The following PAX5 variants were observed in gnomAD, a reference collection of about 807,000 sequenced individuals.
PAX5 encodes the protein paired box protein Pax-5.
PAX5 carries 9 observed loss-of-function variants against 43.7 expected under a neutral mutation model. That is an observed-to-expected ratio of 0.21 (90% CI 0.12 to 0.36). PAX5 has a LOEUF of 0.36. Among genes scored for constraint, PAX5 ranks in the 10% least tolerant of loss-of-function variants. The pLI, the probability that PAX5 is intolerant of heterozygous loss-of-function variation, is 1.00. For missense variants in PAX5, 383 were observed against 532.7 expected (o/e 0.72, Z 2.77); for synonymous variants, 228 against 214.3 (o/e 1.06, Z -0.56).
chr9:36,962,845 G>A (rs779590484), intron 6 of PAX5, among the ~76,000 whole-genome samples: 9 of 152,166 alleles, frequency 5.9e-5, no homozygotes, highest in Non-Finnish European at 1.0e-4. Context: ...GAAAATGGAA[G>A]AGGCAGCCAG....
chr9:36,978,014 A>T (rs187701436), intron 5 of PAX5, among the ~76,000 whole-genome samples: 11 of 152,378 alleles, frequency 7.2e-5, no homozygotes, highest in Middle Eastern at 3.4e-3. Context: ...GTTCAGCATC[A>T]CTATCCATTA....
chr9:37,004,634 C>A (rs1315883134), intron 4 of PAX5, among the ~76,000 whole-genome samples: 1 of 152,180 alleles, frequency 6.6e-6, no homozygotes, highest in Admixed American at 6.5e-5. Context: ...TTTTCTTCAC[C>A]AGAAGAAGCT....
chr9:37,030,777 A>C (rs1448363226), intron 1 of PAX5, among the ~76,000 whole-genome samples: 1 of 152,142 alleles, frequency 6.6e-6, no homozygotes. Flanking sequence ...GCACTGCATT[A>C]CCGTGGCTTC....
chr9:36,992,129 C>T (rs549277505), intron 5 of PAX5, among the ~76,000 whole-genome samples: 1 of 150,970 alleles, frequency 6.6e-6, no homozygotes, highest in South Asian at 2.1e-4. Flanking sequence ...CCCCCACCCC[C>T]CAACCCTCCC....
chr9:36,848,133 C>T (rs547459032), intron 8 of PAX5, among the ~76,000 whole-genome samples: 1 of 152,242 alleles, frequency 6.6e-6, no homozygotes, highest in East Asian at 1.9e-4. Context: ...TACAAGGATG[C>T]TTACAAAGGG....
At chr9:36,985,185 G>A (rs1314120140) in intron 5 of PAX5, among the ~76,000 whole-genome samples, 1 of 152,188 alleles carries the variant, frequency 6.6e-6, no homozygotes, top group Non-Finnish European at 1.5e-5. Context: ...GTCACCGGGT[G>A]GCACCAGGGA....
In PAX5 at chr9:37,034,154, A is replaced by G. The variant is rs1588296135; in HGVS notation, c.-123T>C. 6 of 622,934 alleles carry G rather than the reference A, an allele frequency of 9.6e-6. No individual in the cohort carries two copies. The highest frequency in any genetic ancestry group is 6.3e-5 in the Admixed American group (2 of 31,684). 38.6% of individuals were successfully genotyped at this position (622,934 alleles called of 1,614,324 possible). A position where few individuals can be genotyped will look rare whatever the true frequency, so the allele number is the denominator to read the frequency against. ...TGCCAGGGGCCGCTCACAGGTCGGA[A>G]TAATTCAAGCCTTCCGCTCCCCCGC... On this transcript the variant is annotated 5_prime_UTR_variant, in exon 1 of 10. Transcript: ENST00000358127.
In PAX5 at chr9:36,965,503, G is replaced by T. The variant is rs568155373; in HGVS notation, c.780+1046C>A. Among the ~76,000 whole-genome samples the T allele has an allele frequency of 8.5e-5, 13 of 152,330 alleles. No homozygotes were observed. In the South Asian group the frequency reaches 2.7e-3, roughly 32 times the overall value. ...GCTCAGACACAGACAGACTGTCATA[G>T]ATGGGTGGCCCCAGAGGCCCTGCTC... On this transcript the variant is annotated intron_variant, in intron 6 of 9. Coordinates refer to ENST00000358127, the MANE Select transcript of PAX5 (RefSeq NM_016734.3).
Position 37,019,382 on chromosome 9 carries a change from G to C in PAX5, c.212+1254C>G, listed in dbSNP as rs550297331. Among the ~76,000 whole-genome samples the C allele has an allele frequency of 5.3e-5, 8 of 152,252 alleles. No homozygotes were observed. The South Asian group carries it at 6.2e-4, about 12-fold the overall frequency. On this transcript the variant is annotated intron_variant, in intron 2 of 9. Transcript: ENST00000358127. ...GTGCTAAACAGGAGTGAAGCCCACA[G>C]CCCCCACAGCTCAGGTAACCTGCAC...
Position 36,851,210 on chromosome 9 carries a change from AG to A in PAX5, c.1013-4282del, listed in dbSNP as rs1823130442. On this transcript the variant is annotated intron_variant, in intron 8 of 9. Coordinates refer to ENST00000358127, the MANE Select transcript of PAX5 (RefSeq NM_016734.3). Reference sequence around the variant, plus strand: ...ACAAAACTACCTTTTCCCCAGGCCAAGGGGACTGGGGATGTTGGGTGGAGAT... The same window carrying A: ...ACAAAACTACCTTTTCCCCAGGCCAAGGGACTGGGGATGTTGGGTGGAGAT... 3.3e-5 allele frequency among the ~76,000 whole-genome samples: 5 copies of A among 152,338 alleles called. No homozygotes were observed. The East Asian group carries it at 9.6e-4, about 29-fold the overall frequency.
chr9:36,871,381 C>T (rs557897304), intron 8 of PAX5, among the ~76,000 whole-genome samples: 1 of 152,326 alleles, frequency 6.6e-6, no homozygotes, highest in African/African-American at 2.4e-5. Context: ...AGGACACCCT[C>T]ACTTTGGGCT....
intron 1 of PAX5, among the ~76,000 whole-genome samples, chr9:37,024,854 C>A (rs1425438479): frequency 6.6e-6 from 1 of 152,200 alleles, no homozygotes; most frequent in African/African-American, 2.4e-5. Flanking sequence ...GGCCACCGAG[C>A]GCTGGGCGGA....
At chr9:37,031,477 C>G (rs1023033024) in intron 1 of PAX5, among the ~76,000 whole-genome samples, 17 of 152,246 alleles carry the variant, frequency 1.1e-4, no homozygotes, top group Middle Eastern at 3.4e-3. Flanking sequence ...CAGGTCTGCC[C>G]GGATCTAAGG....
At chr9:36,977,969 T>C (rs904430894) in intron 5 of PAX5, among the ~76,000 whole-genome samples, 1 of 152,026 alleles carries the variant, frequency 6.6e-6, no homozygotes, top group Non-Finnish European at 1.5e-5. Flanking sequence ...GGAAAGGGAG[T>C]GAAGTGTGAG....
chr9:36,844,447 G>A (rs185497106), intron 9 of PAX5, among the ~76,000 whole-genome samples: 2 of 151,680 alleles, frequency 1.3e-5, no homozygotes, highest in Admixed American at 1.3e-4. Context: ...GTGCTCTGTA[G>A]GGTTGCTGAG....
intron 7 of PAX5, among the ~76,000 whole-genome samples, chr9:36,904,304 C>G (rs773000519): frequency 6.6e-6 from 1 of 152,142 alleles, no homozygotes; most frequent in Non-Finnish European, 1.5e-5. Context: ...ATCCTACACA[C>G]CAGCCCCCTA....
At chr9:36,999,977 G>T (rs1233998952) in intron 5 of PAX5, among the ~76,000 whole-genome samples, 2 of 152,080 alleles carry the variant, frequency 1.3e-5, no homozygotes, top group South Asian at 2.1e-4. Flanking sequence ...AGGGACAACA[G>T]GTAGCTGGAA....
At chr9:36,866,195 G>A (rs970698286) in intron 8 of PAX5, among the ~76,000 whole-genome samples, 4 of 152,226 alleles carry the variant, frequency 2.6e-5, no homozygotes, top group Non-Finnish European at 4.4e-5. Flanking sequence ...GGGAGCGTTC[G>A]AGGCAGAGGC....
At chr9:36,863,977 C>T (rs1410846220) in intron 8 of PAX5, among the ~76,000 whole-genome samples, 4 of 152,156 alleles carry the variant, frequency 2.6e-5, no homozygotes, top group Non-Finnish European at 5.9e-5. Context: ...GGCATGGTGG[C>T]ATGTGCCTGT....
Sources: gnomAD v4.1 joint callset for allele counts (sites outside exome capture counted in the v4.1 genomes callset) on GRCh38, gnomAD v4.1.1 for gene constraint, MANE v1.5 for transcripts, NCBI Gene and HGNC (gene_info 2026-07-23, HGNC 2026-07-21) for gene names.